Variants in BBS7 observed in about 807,000 individuals in gnomAD.
The protein encoded by BBS7 is Bardet-Biedl syndrome 7, also known as BBSome complex member BBS7.
In BBS7, 50 loss-of-function variants were observed where a neutral mutation model predicts 90.3. The ratio of observed to expected loss-of-function variants is 0.55; its 90% CI spans 0.44 to 0.70. BBS7 has a LOEUF of 0.70. Among genes scored for constraint, BBS7 ranks in the 30% least tolerant of loss-of-function variants. The pLI is 0.00. For missense variants in BBS7, 729 were observed against 838.9 expected, an observed-to-expected ratio of 0.87 and a Z score of 1.62; for synonymous variants, 235 against 287.4, an observed-to-expected ratio of 0.82 and a Z score of 1.85.
chr4:121,865,613 G>C (rs1180292501), intron 2 of BBS7, among the ~76,000 whole-genome samples: 1 of 152,064 alleles, frequency 6.6e-6, no homozygotes, highest in African/African-American at 2.4e-5. Context: ...ACATTCATCT[G>C]TTGTTAAACA....
At position 121,828,396 on chromosome 4, in the gene BBS7, A is replaced by C. The variant is rs1553930514; in HGVS notation, c.1890+6T>G. On this transcript the variant is annotated splice_donor_region_variant and intron_variant, in intron 17 of 18. Coordinates refer to ENST00000264499, the MANE Select transcript of BBS7 (RefSeq NM_176824.3). ...ATCACCAGTCCACGACGACACATGT[A>C]CTTACTTTTAAAGCATCAATTAACT... is the stretch of plus-strand genomic sequence containing the variant. The C allele has an allele frequency of 2.5e-6, 4 of 1,610,976 alleles. No homozygotes were observed. Among genetic ancestry groups the C allele is most frequent in the Non-Finnish European group, 3.4e-6 (4 of 1,177,202 alleles).
At chr4:121,868,892 T>A (rs1380922673) in intron 1 of BBS7, among the ~76,000 whole-genome samples, 1 of 151,944 alleles carries the variant, frequency 6.6e-6, no homozygotes, top group African/African-American at 2.4e-5. Flanking sequence ...AAACAACACA[T>A]CATGATAAAA....
intron 7 of BBS7, 37 bp from the exon 8 acceptor site, chr4:121,853,123 C>T (rs368180100): frequency 2.5e-6 from 4 of 1,598,734 alleles, no homozygotes; most frequent in Non-Finnish European, 3.4e-6. Flanking sequence ...ATTAAGAAGA[C>T]TAATAGTTAT....
Position 121,860,677 on chromosome 4 carries a change from C to T in BBS7, c.341+827G>A, listed in dbSNP as rs191488054. ...AAAAGTGTTACTATTCTTGTTAAAC[C>T]ATTTGAAATTACATATTTCCACTTA... On this transcript the variant is annotated intron_variant, in intron 4 of 18. Transcript: ENST00000264499. 2.4e-4 allele frequency among the ~76,000 whole-genome samples: 36 copies of T among 152,138 alleles called. No homozygotes were observed. The East Asian group carries it at 5.2e-3, about 22-fold the overall frequency.
chr4:121,830,173 G>T (rs547280559), intron 15 of BBS7, among the ~76,000 whole-genome samples: 1 of 152,152 alleles, frequency 6.6e-6, no homozygotes, highest in South Asian at 2.1e-4. Context: ...AGGCCAAGGC[G>T]GGCAGATCAC....
chr4:121,842,782 A>T (rs1363877836), intron 12 of BBS7, among the ~76,000 whole-genome samples: 1 of 152,180 alleles, frequency 6.6e-6, no homozygotes, highest in Non-Finnish European at 1.5e-5. Context: ...GCCTTCTACA[A>T]TGCAATTAAT....
In BBS7 at chr4:121,861,654, G is replaced by A. The variant is rs747055521; in HGVS notation, c.191C>T (p.Pro64Leu). 48 of 1,611,534 alleles carry A rather than the reference G, an allele frequency of 3.0e-5. No individual in the cohort carries two copies. Among genetic ancestry groups the A allele is most frequent in the African/African-American group, 1.5e-4 (11 of 74,616 alleles). ...TCCCAGTTCCAGCCTTGCAATCTTC[G>A]GCCCGGGTAAAGTCTTGAACACTGC... ...AAAVFKTLPGPKIARLELGGV... is the reference protein window; with the variant it reads ...AAAVFKTLPGLKIARLELGGV... The change falls in exon 4 of 19, where the codon CCG (proline) becomes CTG (leucine). Residue 64 changes from proline (P) to leucine (L), a missense_variant. Pro to Leu is a moderately conservative substitution (Grantham distance 98). Transcript: ENST00000264499.
chr4:121,844,948 C>A (rs963509117), intron 11 of BBS7, among the ~76,000 whole-genome samples: 1 of 152,184 alleles, frequency 6.6e-6, no homozygotes, highest in African/African-American at 2.4e-5. Flanking sequence ...TCTTTTCTAA[C>A]TCTTCTTAAA....
At chr4:121,855,392 A>G in intron 6 of BBS7, 97 bp downstream of exon 6, 2 of 1,132,128 alleles carry the variant, frequency 1.8e-6, no homozygotes, top group Non-Finnish European at 1.3e-6. Context: ...CAGAAAGACA[A>G]CTGTCTCAAT....
At position 121,854,261 on chromosome 4, in the gene BBS7, T is replaced by A. The variant is rs1026300617; in HGVS notation, c.718+443A>T. On this transcript the variant is annotated intron_variant, in intron 7 of 18. Transcript: ENST00000264499. ...TGAATATATGAACATCCTGAACATA[T>A]ACATAGGCATCTCACTATCTACCTA... is the stretch of plus-strand genomic sequence containing the variant. Among the ~76,000 whole-genome samples the A allele has an allele frequency of 2.8e-4, 43 of 152,202 alleles. 1 individual carries two copies. The highest frequency in any genetic ancestry group is 8.4e-4 in the African/African-American group (35 of 41,450).
chr4:121,838,441 T>C (rs994470331), intron 13 of BBS7, among the ~76,000 whole-genome samples: 3 of 151,286 alleles, frequency 2.0e-5, no homozygotes, highest in Non-Finnish European at 1.5e-5. Context: ...AATTTTTAGA[T>C]AATAGGTCTA....
chr4:121,828,810 G>T, intron 15 of BBS7, 82 bp from the exon 16 acceptor site: 2 of 837,718 alleles, frequency 2.4e-6, no homozygotes, highest in Non-Finnish European at 3.7e-6. Flanking sequence ...TTAGTACTTA[G>T]AGTATAGATT....
At chr4:121,826,605 G>C (rs1465502122) in intron 18 of BBS7, among the ~76,000 whole-genome samples, 1 of 152,234 alleles carries the variant, frequency 6.6e-6, no homozygotes, top group African/African-American at 2.4e-5. Context: ...CAAGGGGACT[G>C]AGTAGCAGCA....
intron 2 of BBS7, 56 bp from the exon 3 acceptor site, chr4:121,863,335 AT>A: frequency 7.1e-7 from 1 of 1,414,688 alleles, no homozygotes; most frequent in South Asian, 1.2e-5. Context: ...TGACCTAATA[AT>A]TATATACAGG....
rs1275778267 is a variant in BBS7 at position 121,863,289 on chromosome 4, A to G, written c.103-10T>C. ...GATCTCCAATAACCACCTGTAATAGATGGAAGATAATCTAAAATTACTATT... is the reference window on the plus strand; with the variant it reads ...GATCTCCAATAACCACCTGTAATAGGTGGAAGATAATCTAAAATTACTATT... On this transcript the variant is annotated splice_polypyrimidine_tract_variant and intron_variant, in intron 2 of 18. Coordinates refer to ENST00000264499, the MANE Select transcript of BBS7 (RefSeq NM_176824.3). The G allele has an allele frequency of 1.9e-6, 3 of 1,605,000 alleles. No individual in the cohort carries two copies. Among genetic ancestry groups the G allele is most frequent in the South Asian group, 1.1e-5 (1 of 90,490 alleles).
chr4:121,852,996 C>G lies in BBS7; in HGVS notation c.809G>C (p.Ser270Thr). 1.2e-6 allele frequency: 2 copies of G among 1,613,786 alleles called. No homozygotes were observed. Among genetic ancestry groups the G allele is most frequent in the Non-Finnish European group, 1.7e-6 (2 of 1,179,822 alleles). ...AACAGGTTCATTTGCATTATCAAAACTATACACTTCCACCATTCCGTCATC... is the reference window on the plus strand; with the variant it reads ...AACAGGTTCATTTGCATTATCAAAAGTATACACTTCCACCATTCCGTCATC... ...GRDDGMVEVY[S>T]FDNANEPVLR... Residue 270 changes from serine (S) to threonine (T), a missense_variant, in exon 8 of 19, where the codon AGT (serine) becomes ACT (threonine). Coordinates refer to ENST00000264499, the MANE Select transcript of BBS7 (RefSeq NM_176824.3).
intron 15 of BBS7, among the ~76,000 whole-genome samples, chr4:121,830,784 C>T (rs1158792772): frequency 1.3e-5 from 2 of 152,092 alleles, no homozygotes; most frequent in Admixed American, 6.6e-5. Flanking sequence ...TTCAGGCATC[C>T]GAAAAACATC....
At chr4:121,848,757 TAA>T (rs1244492884) in intron 9 of BBS7, 85 bp downstream of exon 9, 1 of 1,116,790 alleles carries the variant, frequency 9.0e-7, no homozygotes. Flanking sequence ...AACTGTTTTT[TAA>T]AAAGAGTCAT....
At chr4:121,867,671 A>G (rs535244417) in intron 2 of BBS7, among the ~76,000 whole-genome samples, 1 of 152,322 alleles carries the variant, frequency 6.6e-6, no homozygotes, top group East Asian at 1.9e-4. Flanking sequence ...TTTAAAGAGA[A>G]CATTTTCTTG....
Sources: gnomAD v4.1 joint callset for allele counts (sites outside exome capture counted in the v4.1 genomes callset) on GRCh38, gnomAD v4.1.1 for gene constraint, MANE v1.5 for transcripts, NCBI Gene and HGNC (gene_info 2026-07-23, HGNC 2026-07-21) for gene names.